The following SLC4A4 variants were observed in gnomAD, a reference collection of about 807,000 sequenced individuals.
The protein encoded by SLC4A4 is solute carrier family 4 member 4.
Under a neutral mutation model 111.5 loss-of-function variants are expected in SLC4A4, and 27 were observed. The ratio of observed to expected loss-of-function variants is 0.24; its 90% confidence interval spans 0.18 to 0.33. The LOEUF is 0.33. SLC4A4 is among the 10% of genes least tolerant of loss of function. The pLI is 1.00. For missense variants in SLC4A4, 909 were observed against 1,315.5 expected (o/e 0.69, Z 4.78); for synonymous variants, 443 against 463.4 (o/e 0.96, Z 0.57).
rs1258043787 is a variant in SLC4A4, at chr4:71,472,785, C to T, written c.1718C>T (p.Ala573Val). 6.2e-7 allele frequency: 1 copy of T among 1,612,922 alleles called. No homozygotes were observed. The change falls in exon 14 of 26, where the codon GCC (alanine) becomes GTC (valine). Residue 573 changes from alanine to valine, a missense_variant. By Grantham distance (64) the Ala-to-Val change is moderately conservative. Around this residue, in one of 7 missense-constraint regions of SLC4A4, gnomAD observed 264 missense variants for 356.8 expected, o/e 0.74. Coordinates refer to ENST00000264485, the MANE Select transcript of SLC4A4 (RefSeq NM_001098484.3). ...TGTCTCATTTTGGTAGCCACTGATG[C>T]CAGCTTCTTGGTTCAATACTTCACA... ...FLCLILVATD[A>V]SFLVQYFTRF...
intron 16 of SLC4A4, among the ~76,000 whole-genome samples, chr4:71,521,850 T>C (rs936633427): frequency 1.3e-5 from 2 of 152,140 alleles, no homozygotes; most frequent in Non-Finnish European, 2.9e-5. Context: ...CTTATCACAG[T>C]CCTTTTCTGA....
intron 16 of SLC4A4, among the ~76,000 whole-genome samples, chr4:71,501,811 G>A (rs1194835434): frequency 2.0e-5 from 3 of 151,668 alleles, no homozygotes; most frequent in Admixed American, 6.6e-5. Context: ...ACAGGGGCGT[G>A]CCACCATGGG....
At chr4:71,143,395 GC>G (rs1486178150) in intron 2 of SLC4A4, among the ~76,000 whole-genome samples, 1 of 152,154 alleles carries the variant, frequency 6.6e-6, no homozygotes, top group African/African-American at 2.4e-5. Flanking sequence ...TGTGAATAGT[GC>G]CGCAGTAGAC....
intron 7 of SLC4A4, among the ~76,000 whole-genome samples, chr4:71,403,182 A>G (rs1341281321): frequency 1.3e-5 from 2 of 152,194 alleles, no homozygotes; most frequent in Non-Finnish European, 2.9e-5. Context: ...TATCTCGTGT[A>G]TTATTTTAGG....
chr4:71,529,355 T>C (rs1733718610), intron 16 of SLC4A4, among the ~76,000 whole-genome samples: 1 of 152,156 alleles, frequency 6.6e-6, no homozygotes, highest in Admixed American at 6.6e-5. Context: ...CTTTCAACAG[T>C]ATTATACCTT....
intron 6 of SLC4A4, among the ~76,000 whole-genome samples, chr4:71,368,221 G>A (rs979601654): frequency 2.6e-5 from 4 of 152,154 alleles, no homozygotes; most frequent in African/African-American, 9.7e-5. Context: ...TGATGGTGTT[G>A]TTTCCTCCAG....
chr4:71,465,700 C>A (rs945815969), intron 12 of SLC4A4, among the ~76,000 whole-genome samples: 2 of 151,764 alleles, frequency 1.3e-5, no homozygotes, highest in African/African-American at 4.8e-5. Context: ...CTCGTTGACA[C>A]GTCACCTTTG....
intron 3 of SLC4A4, among the ~76,000 whole-genome samples, chr4:71,294,275 C>T (rs1007916975): frequency 7.9e-5 from 12 of 152,156 alleles, no homozygotes; most frequent in African/African-American, 2.9e-4. Flanking sequence ...ACAGATTCCC[C>T]CTGACAGGTG....
intron 2 of SLC4A4, among the ~76,000 whole-genome samples, chr4:71,167,408 C>T (rs757798160): frequency 9.2e-5 from 14 of 152,158 alleles, no homozygotes; most frequent in African/African-American, 2.7e-4. Flanking sequence ...TTGGTCAAAG[C>T]GGTCCCAAGT....
chr4:71,274,218 G>T (rs2602095), intron 3 of SLC4A4, among the ~76,000 whole-genome samples: 148,061 of 152,314 alleles, frequency 0.97, 72,071 homozygotes, highest in Non-Finnish European at 1. Flanking sequence ...ATTTACTACT[G>T]ATTAAGTGGA....
At chr4:71,189,697 C>T (rs75495490) in intron 1 of SLC4A4, among the ~76,000 whole-genome samples, 7,082 of 152,280 alleles carry the variant, frequency 0.047, 203 homozygotes, top group East Asian at 0.1. Context: ...CCTCTGTGAG[C>T]GCTGTAGACC....
At chr4:71,551,360 T>C (rs1402235312) in intron 20 of SLC4A4, among the ~76,000 whole-genome samples, 1 of 151,916 alleles carries the variant, frequency 6.6e-6, no homozygotes, top group Non-Finnish European at 1.5e-5. Flanking sequence ...TGCCACAATA[T>C]GTCACTTTGT....
At chr4:71,462,959 C>T (rs187970534) in intron 12 of SLC4A4, among the ~76,000 whole-genome samples, 1 of 152,222 alleles carries the variant, frequency 6.6e-6, no homozygotes, top group Admixed American at 6.5e-5. Flanking sequence ...TCAATTTTTC[C>T]TCTCCATAAA....
chr4:71,098,685 G>C (rs1244453158), intron 2 of SLC4A4, among the ~76,000 whole-genome samples: 2 of 151,956 alleles, frequency 1.3e-5, no homozygotes, highest in Admixed American at 1.3e-4. Flanking sequence ...TAGATAAAAA[G>C]CAAGACCCAA....
intron 21 of SLC4A4, among the ~76,000 whole-genome samples, chr4:71,556,248 G>C (rs1444995654): frequency 6.6e-6 from 1 of 151,942 alleles, no homozygotes; most frequent in Non-Finnish European, 1.5e-5. Context: ...AAAATACAAG[G>C]TGGTTCTTCA....
chr4:71,482,964 A>G (rs1455317151), intron 14 of SLC4A4, among the ~76,000 whole-genome samples: 1 of 151,660 alleles, frequency 6.6e-6, no homozygotes, highest in Non-Finnish European at 1.5e-5. Context: ...CCAATATGAA[A>G]TGGGTATAAA....
chr4:71,331,384 T>C (rs989674097), intron 3 of SLC4A4, among the ~76,000 whole-genome samples: 12 of 152,170 alleles, frequency 7.9e-5, no homozygotes, highest in Non-Finnish European at 1.8e-4. Context: ...ATATACACCA[T>C]GGAATACTAT....
At chr4:71,473,963 G>C (rs1378520030) in intron 14 of SLC4A4, among the ~76,000 whole-genome samples, 1 of 151,788 alleles carries the variant, frequency 6.6e-6, no homozygotes, top group East Asian at 1.9e-4. Flanking sequence ...CACTTTGAGA[G>C]GCTGAGGCAG....
At chr4:71,374,001 G>A (rs769620094) in intron 6 of SLC4A4, among the ~76,000 whole-genome samples, 2 of 152,154 alleles carry the variant, frequency 1.3e-5, no homozygotes, top group African/African-American at 2.4e-5. Context: ...CATACGTGTT[G>A]TGACCATCTT....
Sources: gnomAD v4.1 joint callset for allele counts (sites outside exome capture counted in the v4.1 genomes callset) on GRCh38, gnomAD v4.1.1 for gene constraint, gnomAD v4.1.1 regional missense constraint, MANE v1.5 for transcripts, NCBI Gene and HGNC (gene_info 2026-07-23, HGNC 2026-07-21) for gene names.